The following MYO5B variants were observed in gnomAD, a reference collection of about 807,000 sequenced individuals.
The protein encoded by MYO5B is unconventional myosin-Vb.
MYO5B carries 143 observed loss-of-function variants against 229.3 expected under a neutral mutation model. That is an observed-to-expected ratio of 0.62 (90% CI 0.54 to 0.72). The LOEUF (loss-of-function observed/expected upper bound fraction) is 0.72. Ranked by LOEUF, MYO5B falls within the 30% of genes least tolerant of loss-of-function variation. MYO5B has a pLI of 0.00. For synonymous variants in MYO5B, 918 were observed against 885.2 expected (o/e 1.04, Z -0.66); for missense variants, 2,321 against 2,331.0 (o/e 1.00, Z 0.09).
chr18:49,841,280 C>G lies in MYO5B; in HGVS notation c.4701+85G>C, dbSNP rs1165911964. The G allele has an allele frequency of 3.9e-5, 50 of 1,294,086 alleles. No individual in the cohort carries two copies. In the Admixed American group the frequency reaches 7.9e-4, roughly 20 times the overall value. 80.2% of individuals were successfully genotyped at this position (1,294,086 alleles called of 1,614,324 possible). A position where few individuals can be genotyped will look rare whatever the true frequency, so the allele number is the denominator to read the frequency against. On this transcript the variant is annotated intron_variant, in intron 35 of 39. Coordinates refer to ENST00000285039, the MANE Select transcript of MYO5B (RefSeq NM_001080467.3). ...CCCCAAGGGTGCTCCAAAGACCCCA[C>G]TGACCTCTGAGGGTATACAAAGCAC...
At chr18:50,107,142 GAC>G (rs1171851993) in intron 1 of MYO5B, among the ~76,000 whole-genome samples, 1 of 67,950 alleles carries the variant, frequency 1.5e-5, no homozygotes, top group Non-Finnish European at 2.8e-5. Flanking sequence ...TTTTTTTTGA[GAC>G]AGTCTCCCTC....
intron 1 of MYO5B, among the ~76,000 whole-genome samples, chr18:50,062,868 C>A (rs1172066794): frequency 6.6e-6 from 1 of 152,166 alleles, no homozygotes; most frequent in South Asian, 2.1e-4. Context: ...ATATAGGGTG[C>A]TGGTCCCCAC....
chr18:49,864,097 G>A (rs560489101), intron 28 of MYO5B, 44 bp downstream of exon 28: 2 of 1,599,526 alleles, frequency 1.3e-6, no homozygotes, highest in East Asian at 2.2e-5. Flanking sequence ...CTACCACCTA[G>A]GGTCACCCCT....
chr18:49,853,386 G>A (rs1053939903), intron 31 of MYO5B, 63 bp downstream of exon 31: 21 of 1,574,746 alleles, frequency 1.3e-5, no homozygotes, highest in East Asian at 6.7e-5. Context: ...AGGCAACCCC[G>A]ATCCCATTTG....
chr18:50,067,863 A>G (rs2030860658), intron 1 of MYO5B, among the ~76,000 whole-genome samples: 1 of 152,184 alleles, frequency 6.6e-6, no homozygotes, highest in African/African-American at 2.4e-5. Flanking sequence ...TATAGCAACT[A>G]AAAACGGACT....
intron 3 of MYO5B, among the ~76,000 whole-genome samples, chr18:50,037,633 C>T (rs1329600467): frequency 6.6e-6 from 1 of 152,188 alleles, no homozygotes; most frequent in Non-Finnish European, 1.5e-5. Flanking sequence ...GGCACGGTGG[C>T]TCATGCCTGT....
intron 1 of MYO5B, among the ~76,000 whole-genome samples, chr18:50,062,344 T>C (rs970447219): frequency 6.6e-6 from 1 of 152,156 alleles, no homozygotes; most frequent in Admixed American, 6.5e-5. Flanking sequence ...CCTAACTTGA[T>C]AGCTGGCAGT....
At chr18:49,880,482 G>A in intron 22 of MYO5B, 27 bp from the exon 23 acceptor site, 1 of 1,568,650 alleles carries the variant, frequency 6.4e-7, no homozygotes, top group South Asian at 1.1e-5. Context: ...GGGGAAAAAT[G>A]TCTCATGATG....
chr18:50,121,065 C>A (rs573706399), intron 1 of MYO5B, among the ~76,000 whole-genome samples: 6 of 152,308 alleles, frequency 3.9e-5, no homozygotes, highest in African/African-American at 1.4e-4. Context: ...ACTCCCATAT[C>A]TGAGATGCTT....
rs1263344055 is a variant in MYO5B at position 49,826,537 on chromosome 18, A to G, written c.5481T>C (p.Ser1827=). The change falls in exon 40 of 40, where the codon TCT becomes TCC. Residue 1827 remains serine, a synonymous_variant. Coordinates refer to ENST00000285039, the MANE Select transcript of MYO5B (RefSeq NM_001080467.3). ...TGTGGATTGAGTCCATGGTTAGAGA[A>G]GATGGATTAAATGGAAACAAAACAG... ...MFPVLFPFNP[S]SLTMDSIHIP... The G allele has an allele frequency of 1.2e-6, 2 of 1,614,014 alleles. No homozygotes were observed. Among genetic ancestry groups the G allele is most frequent in the Admixed American group, 3.3e-5 (2 of 60,010 alleles).
intron 7 of MYO5B, among the ~76,000 whole-genome samples, chr18:49,989,254 G>A (rs1201097283): frequency 2.0e-5 from 3 of 152,168 alleles, no homozygotes; most frequent in Non-Finnish European, 4.4e-5. Context: ...GCAGACTTGC[G>A]CTGAAACCAC....
intron 5 of MYO5B, among the ~76,000 whole-genome samples, chr18:50,000,597 A>G (rs73959840): frequency 0.049 from 7,430 of 152,302 alleles, 210 homozygotes; most frequent in Non-Finnish European, 0.063. Flanking sequence ...AGTTATAGCA[A>G]GATCTAGTTT....
rs750172419 is a variant in MYO5B at position 49,990,496 on chromosome 18, T to C, written c.781A>G (p.Ile261Val). 5 of 1,613,904 alleles carry C rather than the reference T, an allele frequency of 3.1e-6. No homozygotes were observed. ...FQADDERNYH[I>V]FYQLCAAAGL... ...GCAGCAGCACAGAGCTGGTAAAAGA[T>C]GTGGTAATTCCTCTCATCATCTGCC... The change falls in exon 7 of 40, where the codon ATC (isoleucine) becomes GTC (valine). Residue 261 changes from isoleucine to valine, a missense_variant. Coordinates refer to ENST00000285039, the MANE Select transcript of MYO5B (RefSeq NM_001080467.3).
intron 13 of MYO5B, 139 bp from the exon 14 acceptor site, chr18:49,953,482 G>A (rs1259072218): frequency 2.7e-6 from 2 of 738,710 alleles, no homozygotes; most frequent in African/African-American, 3.5e-5. Context: ...CACTTAAAAT[G>A]CAAACCCAAT....
rs17713847 is a variant in MYO5B at position 49,849,792 on chromosome 18, G to A, written c.4222-132C>T. 0.11 allele frequency: 84,129 copies of A among 756,882 alleles called. 5,480 individuals carry two copies. The highest frequency in any genetic ancestry group is 0.15 in the Middle Eastern group (479 of 3,176). 46.9% of individuals were successfully genotyped at this position (756,882 alleles called of 1,614,324 possible). On this transcript the variant is annotated intron_variant, in intron 31 of 39. Coordinates refer to ENST00000285039, the MANE Select transcript of MYO5B (RefSeq NM_001080467.3). ...CGTCAGAAATGCGCCAGTCAGGGAC[G>A]CTGCCAGGAGAGCTGCTCTTCACAG... is the stretch of plus-strand genomic sequence containing the variant.
intron 1 of MYO5B, among the ~76,000 whole-genome samples, chr18:50,082,002 A>G (rs183787631): frequency 3.5e-4 from 54 of 152,362 alleles, no homozygotes; most frequent in Middle Eastern, 3.4e-3. Context: ...AAATACACCT[A>G]TAAAAGAAAT....
At chr18:50,194,560 G>C (rs1014615641) in intron 1 of MYO5B, among the ~76,000 whole-genome samples, 1 of 152,330 alleles carries the variant, frequency 6.6e-6, no homozygotes, top group Middle Eastern at 3.4e-3. Context: ...CGGGTGGCCG[G>C]TCAGTGCGGG....
intron 1 of MYO5B, among the ~76,000 whole-genome samples, chr18:50,124,369 G>A (rs1386132563): frequency 6.6e-6 from 1 of 152,170 alleles, no homozygotes; most frequent in South Asian, 2.1e-4. Flanking sequence ...TCCCAAAGGG[G>A]AGTTGGTACA....
At chr18:49,902,267 C>T (rs1251748542) in intron 21 of MYO5B, among the ~76,000 whole-genome samples, 1 of 139,634 alleles carries the variant, frequency 7.2e-6, no homozygotes, top group Non-Finnish European at 1.5e-5. Flanking sequence ...GAACTTGATC[C>T]TCCAGCCTCC....
Sources: gnomAD v4.1 joint callset for allele counts (sites outside exome capture counted in the v4.1 genomes callset) on GRCh38, gnomAD v4.1.1 for gene constraint, MANE v1.5 for transcripts, NCBI Gene and HGNC (gene_info 2026-07-23, HGNC 2026-07-21) for gene names.